CD300E: variants seen among roughly 807,000 people sequenced by gnomAD.
The protein encoded by CD300E is CMRF35-like molecule 2.
A neutral mutation model predicts 20.9 loss-of-function variants in CD300E; 14 were observed. The observed-to-expected ratio is 0.67, with a 90% CI of 0.44 to 1.05. The LOEUF (loss-of-function observed/expected upper bound fraction) is 1.05, where lower values mean the gene tolerates loss of function less well. CD300E is among the 50% of genes least tolerant of loss of function. The probability of loss-of-function intolerance (pLI) is 0.00; values close to 1 mark genes in which losing one functional copy is unlikely to be tolerated. For synonymous variants in CD300E, 102 were observed against 103.7 expected (o/e 0.98, Z 0.10); for missense variants, 237 against 253.9 (o/e 0.93, Z 0.45).
chr17:74,613,085 C>A (rs1220376930), intron 3 of CD300E, among the ~76,000 whole-genome samples: 1 of 152,210 alleles, frequency 6.6e-6, no homozygotes, highest in East Asian at 1.9e-4. Flanking sequence ...CAACTGACTT[C>A]TTAAAACCAG....
intron 3 of CD300E, among the ~76,000 whole-genome samples, chr17:74,613,495 G>A (rs2030829352): frequency 6.6e-6 from 1 of 152,208 alleles, no homozygotes; most frequent in Non-Finnish European, 1.5e-5. Flanking sequence ...TGGGAGAGGA[G>A]AGAGAACTGA....
Position 74,612,467 on chromosome 17 carries a change from A to T in CD300E, c.*186T>A. 1 of 628,928 alleles carries T rather than the reference A, an allele frequency of 1.6e-6. No homozygotes were observed. Among genetic ancestry groups the T allele is most frequent in the Non-Finnish European group, 2.6e-6 (1 of 390,126 alleles). The allele number at this position is 628,928 out of a possible 1,614,324, so 39.0% of individuals were successfully genotyped here. The stretch of plus-strand genomic sequence containing the variant: ...AGGGGACTGGGGAGGAGAAAGGAGG[A>T]CCCCCAAGCTGCACATTGAGGACTC... On this transcript the variant is annotated 3_prime_UTR_variant, in exon 4 of 4. Transcript: ENST00000392619.
chr17:74,613,036 C>T (rs1035658317), intron 3 of CD300E, among the ~76,000 whole-genome samples: 4 of 152,210 alleles, frequency 2.6e-5, no homozygotes, highest in African/African-American at 9.7e-5. Context: ...CTCCACAGCA[C>T]CCTCTCTGTC....
rs530436984 is a variant in CD300E at position 74,617,300 on chromosome 17, T to G, written c.206A>C (p.Lys69Thr). Residue 69 changes from lysine to threonine, a missense_variant, in exon 2 of 4, where the codon AAG (lysine) becomes ACG (threonine). By Grantham distance (78) the Lys-to-Thr change is moderately conservative. Transcript: ENST00000392619. ...ESIVETKGEE[K>T]VERNGRVSIR... ...GGACACGCGGCCATTCCTCTCCACCTTCTCTTCTCCCTTGGTCTCCACAAT... is the reference window on the plus strand; with the variant it reads ...GGACACGCGGCCATTCCTCTCCACCGTCTCTTCTCCCTTGGTCTCCACAAT... The G allele has an allele frequency of 4.3e-6, 7 of 1,614,206 alleles. No individual in the cohort carries two copies. The highest frequency in any genetic ancestry group is 1.6e-4 in the Middle Eastern group (1 of 6,062).
chr17:74,615,050 C>CGTT (rs1299964377), intron 2 of CD300E, among the ~76,000 whole-genome samples: 1 of 152,110 alleles, frequency 6.6e-6, no homozygotes, highest in Non-Finnish European at 1.5e-5. Context: ...AGCCCCACCC[C>CGTT]GTTGGAGGGG....
intron 1 of CD300E, among the ~76,000 whole-genome samples, chr17:74,622,208 G>A (rs1443134791): frequency 6.6e-6 from 1 of 151,786 alleles, no homozygotes; most frequent in Non-Finnish European, 1.5e-5. Context: ...AAGATTTTCA[G>A]AGGGACCTGC....
chr17:74,614,820 G>A (rs2030864908), intron 2 of CD300E, among the ~76,000 whole-genome samples: 2 of 152,116 alleles, frequency 1.3e-5, no homozygotes. Context: ...CTAGGGAGGG[G>A]ATAGGTTGAC....
Position 74,610,568 on chromosome 17 carries a change from T to C in CD300E, c.*2085A>G, listed in dbSNP as rs2030755032. 1 of 152,284 alleles carries C rather than the reference T, an allele frequency of 6.6e-6. No individual in the cohort carries two copies. Among genetic ancestry groups the C allele is most frequent in the Admixed American group, 6.5e-5 (1 of 15,288 alleles). 9.4% of individuals were successfully genotyped at this position (152,284 alleles called of 1,614,324 possible). On this transcript the variant is annotated 3_prime_UTR_variant, in exon 4 of 4. Coordinates refer to ENST00000392619, the MANE Select transcript of CD300E (RefSeq NM_181449.3). ...CTTAAGACTCCGGACTCCCAGATTCTTCCTTTCAGACTTTGCTACATCTGC... is the reference window on the plus strand; with the variant it reads ...CTTAAGACTCCGGACTCCCAGATTCCTCCTTTCAGACTTTGCTACATCTGC...
intron 1 of CD300E, among the ~76,000 whole-genome samples, chr17:74,621,043 GAAA>G (rs886806784): frequency 1.3e-5 from 2 of 149,782 alleles, no homozygotes; most frequent in Non-Finnish European, 3.0e-5. Context: ...ACTCCCTCTC[GAAA>G]AAAAAAGAAG....
At position 74,619,143 on chromosome 17, in the gene CD300E, C is replaced by T. The variant is rs141713527; in HGVS notation, c.41-1678G>A. The T allele has an allele frequency of 1.9e-5, 9 of 471,162 alleles. No individual in the cohort carries two copies. The Middle Eastern group carries it at 1.9e-3, about 101-fold the overall frequency. 29.2% of individuals were successfully genotyped at this position (471,162 alleles called of 1,614,324 possible). On this transcript the variant is annotated intron_variant, in intron 1 of 3. Transcript: ENST00000392619. ...CAGCTTCCTCCTGGAGGTGGCACAT[C>T]CCAGCAGCACCTCCTTCTAGGTTCT... is the stretch of plus-strand genomic sequence containing the variant.
At chr17:74,619,344 A>G (rs1192192989) in intron 1 of CD300E, 3 of 287,820 alleles carry the variant, frequency 1.0e-5, no homozygotes, top group East Asian at 1.0e-4. Flanking sequence ...CAGTCCCTTC[A>G]GAGCTGAATG....
Position 74,617,120 on chromosome 17 carries a change from G to A in CD300E, c.386C>T (p.Pro129Leu). The change falls in exon 2 of 4, where the codon CCA (proline) becomes CTA (leucine). Residue 129 changes from proline (P) to leucine (L), a missense_variant and splice_region_variant. By Grantham distance (98) the Pro-to-Leu change is moderately conservative. Transcript: ENST00000392619. The part of the protein sequence containing the change: ...PSDLVRVYVS[P>L]AITTPRRTTH... ...GCCAAAGTGAGGGGAGCTCTTACCT[G>A]GGGAAACATACACCCTAACCAGGTC... 1 of 1,613,136 alleles carries A rather than the reference G, an allele frequency of 6.2e-7. No homozygotes were observed. Among genetic ancestry groups the A allele is most frequent in the African/African-American group, 1.3e-5 (1 of 75,030 alleles).
intron 1 of CD300E, among the ~76,000 whole-genome samples, chr17:74,620,943 C>T (rs985381241): frequency 4.0e-5 from 6 of 151,036 alleles, no homozygotes; most frequent in African/African-American, 7.3e-5. Context: ...CTCGGGAGGC[C>T]GAGGCACGAG....
chr17:74,619,633 C>A (rs1233821241), intron 1 of CD300E, among the ~76,000 whole-genome samples: 1 of 152,090 alleles, frequency 6.6e-6, no homozygotes. Context: ...CATACACACA[C>A]ACACACACTG....
At chr17:74,619,561 G>C (rs1338381128) in intron 1 of CD300E, among the ~76,000 whole-genome samples, 1 of 151,944 alleles carries the variant, frequency 6.6e-6, no homozygotes, top group Non-Finnish European at 1.5e-5. Flanking sequence ...TACAACCTGG[G>C]CTCCTTCAGC....
chr17:74,616,675 G>A (rs1213148256), intron 2 of CD300E, among the ~76,000 whole-genome samples: 1 of 152,182 alleles, frequency 6.6e-6, no homozygotes, highest in East Asian at 1.9e-4. Context: ...CATAGGGGGA[G>A]TAAGAGAAAG....
At chr17:74,623,539 G>T (rs756459607) in intron 1 of CD300E, 43 bp downstream of exon 1, 3 of 1,606,742 alleles carry the variant, frequency 1.9e-6, no homozygotes, top group African/African-American at 1.3e-5. Flanking sequence ...CTACTGTCCT[G>T]CCCCCTGCAA....
intron 1 of CD300E, among the ~76,000 whole-genome samples, chr17:74,623,018 G>C (rs191273192): frequency 6.6e-6 from 1 of 152,154 alleles, no homozygotes; most frequent in East Asian, 1.9e-4. Flanking sequence ...GATTACAGGC[G>C]TGAGCCACCA....
chr17:74,616,598 G>A (rs140526389), intron 2 of CD300E, among the ~76,000 whole-genome samples: 1 of 152,278 alleles, frequency 6.6e-6, no homozygotes, highest in East Asian at 1.9e-4. Flanking sequence ...GAAGCAGGTG[G>A]AAAGTCATAG....
Sources: gnomAD v4.1 joint callset for allele counts (sites outside exome capture counted in the v4.1 genomes callset) on GRCh38, gnomAD v4.1.1 for gene constraint, MANE v1.5 for transcripts, NCBI Gene and HGNC (gene_info 2026-07-23, HGNC 2026-07-21) for gene names.